GATAD2A: variants seen among roughly 807,000 people sequenced by gnomAD.
GATAD2A encodes GATA zinc finger domain containing 2A, also known as transcriptional repressor p66-alpha.
Under a neutral mutation model 68.5 loss-of-function variants are expected in GATAD2A, and 12 were observed. The ratio of observed to expected loss-of-function variants is 0.18; its 90% CI spans 0.11 to 0.28. The LOEUF (loss-of-function observed/expected upper bound fraction) is 0.28. Among genes scored for constraint, GATAD2A ranks in the 10% least tolerant of loss-of-function variants. The pLI is 1.00. For missense variants in GATAD2A, 755 were observed against 868.5 expected, an observed-to-expected ratio of 0.87 and a Z score of 1.64; for synonymous variants, 410 against 375.3, an observed-to-expected ratio of 1.09 and a Z score of -1.07.
At chr19:19,482,692 G>T (rs1237660186) in intron 2 of GATAD2A, among the ~76,000 whole-genome samples, 4 of 152,220 alleles carry the variant, frequency 2.6e-5, no homozygotes, top group South Asian at 2.1e-4. Flanking sequence ...GGTTGGCCTA[G>T]GAATGGCCAT....
At position 19,492,719 on chromosome 19, in the gene GATAD2A, G is replaced by T. The variant is rs193073050; in HGVS notation, c.534+7G>T. 2.5e-6 allele frequency: 4 copies of T among 1,613,990 alleles called. No homozygotes were observed. Among genetic ancestry groups the T allele is most frequent in the African/African-American group, 2.7e-5 (2 of 75,056 alleles). On this transcript the variant is annotated splice_region_variant and intron_variant, in intron 4 of 11. Transcript: ENST00000683918. ...GGAAGCCACCGCCCAGAAGGTGCGT[G>T]CCTGTCTCCCCTCCTTCCTGGGCCA...
intron 1 of GATAD2A, chr19:19,458,714 A>C (rs1265991085): frequency 1.3e-5 from 2 of 152,188 alleles, no homozygotes; most frequent in South Asian, 2.1e-4. Context: ...TTGACTGTTT[A>C]GAATTTGAGA....
Position 19,488,940 on chromosome 19 carries a change from G to A in GATAD2A, c.270-3366G>A, listed in dbSNP as rs145496482. On this transcript the variant is annotated intron_variant, in intron 2 of 11. Transcript: ENST00000683918. ...ATGGCAGACGCTGTCCCTGGGCCAC[G>A]ATGCCATCCCTCTCAGCATGTTGGG... 5.3e-5 allele frequency among the ~76,000 whole-genome samples: 8 copies of A among 152,276 alleles called. No homozygotes were observed. The East Asian group carries it at 1.2e-3, about 22-fold the overall frequency.
intron 1 of GATAD2A, among the ~76,000 whole-genome samples, chr19:19,426,444 C>T (rs574991418): frequency 3.3e-5 from 5 of 152,282 alleles, no homozygotes; most frequent in African/African-American, 1.2e-4. Flanking sequence ...CAGACTTGTC[C>T]ATCTATGACA....
chr19:19,502,520 A>G lies in GATAD2A; in HGVS notation c.1768A>G (p.Ser590Gly). The G allele has an allele frequency of 5.6e-6, 9 of 1,609,652 alleles. No homozygotes were observed. Among genetic ancestry groups the G allele is most frequent in the Non-Finnish European group, 7.6e-6 (9 of 1,177,910 alleles). ...ATSNWKKTPL[S>G]TGGTLAFVSP... is the part of the protein sequence containing the mutation. Reference sequence around the variant, plus strand: ...CTCCAACTGGAAGAAGACGCCCCTCAGCACAGGTGGGTGACCTCCACAGGG... The same window carrying G: ...CTCCAACTGGAAGAAGACGCCCCTCGGCACAGGTGGGTGACCTCCACAGGG... The change falls in exon 11 of 12, where the codon AGC (serine) becomes GGC (glycine). Residue 590 changes from serine to glycine, a missense_variant. Physicochemically the swap from Ser to Gly is moderately conservative, Grantham distance 56. Transcript: ENST00000683918.
intron 7 of GATAD2A, among the ~76,000 whole-genome samples, chr19:19,496,712 C>G (rs1013100850): frequency 6.6e-6 from 1 of 152,258 alleles, no homozygotes; most frequent in Admixed American, 6.5e-5. Flanking sequence ...GTCCCTTCAC[C>G]TCTGTACAGA....
intron 1 of GATAD2A, among the ~76,000 whole-genome samples, chr19:19,452,488 C>T (rs2056493603): frequency 6.6e-6 from 1 of 152,114 alleles, no homozygotes. Context: ...CTGCATCAGC[C>T]TCTCAACCAG....
chr19:19,402,835 G>A (rs899067502), upstream of GATAD2A, among the ~76,000 whole-genome samples: 5 of 145,342 alleles, frequency 3.4e-5, no homozygotes, highest in African/African-American at 5.1e-5. Flanking sequence ...GCGTAATAGC[G>A]CGATCTTGGC....
intron 7 of GATAD2A, among the ~76,000 whole-genome samples, chr19:19,497,180 C>T (rs758586956): frequency 1.3e-5 from 2 of 152,238 alleles, no homozygotes; most frequent in Admixed American, 6.5e-5. Flanking sequence ...TGGCTCACTG[C>T]AACCTCCATC....
chr19:19,430,615 C>T (rs1207261372), intron 1 of GATAD2A, among the ~76,000 whole-genome samples: 3 of 152,158 alleles, frequency 2.0e-5, no homozygotes, highest in South Asian at 2.1e-4. Context: ...GTCAGTGGGT[C>T]TGGGCCCAGG....
chr19:19,498,531 C>A lies in GATAD2A; in HGVS notation c.1013C>A (p.Ala338Asp), dbSNP rs62000441. 18 of 1,613,784 alleles carry A rather than the reference C, an allele frequency of 1.1e-5. No homozygotes were observed. The highest frequency in any genetic ancestry group is 1.5e-5 in the Non-Finnish European group (18 of 1,179,994). Reference sequence around the variant, plus strand: ...AGTGTGGCCTCTGTGGTCACCTCTGCCGAGTCTCCAGCAAGCCGACAGGCG... The same window carrying A: ...AGTGTGGCCTCTGTGGTCACCTCTGACGAGTCTCCAGCAAGCCGACAGGCG... Reference protein sequence around the residue: ...PTSVASVVTSAESPASRQAAA... With the variant: ...PTSVASVVTSDESPASRQAAA... Residue 338 changes from alanine (A) to aspartate (D), a missense_variant, in exon 8 of 12, where the codon GCC becomes GAC. Coordinates refer to ENST00000683918, the MANE Select transcript of GATAD2A (RefSeq NM_001384528.1).
chr19:19,408,996 C>A, intron 1 of GATAD2A, among the ~76,000 whole-genome samples: 1 of 147,784 alleles, frequency 6.8e-6, no homozygotes, highest in East Asian at 2.0e-4. Flanking sequence ...AGTTGTAAAG[C>A]CATTCTTGAA....
chr19:19,389,297 G>A (rs989103069), intron 1 of GATAD2A, among the ~76,000 whole-genome samples: 1 of 152,196 alleles, frequency 6.6e-6, no homozygotes, highest in African/African-American at 2.4e-5. Flanking sequence ...GACTGAAGTA[G>A]AGTTCTGAAG....
chr19:19,401,613 C>A (rs1227222964), upstream of GATAD2A, among the ~76,000 whole-genome samples: 5 of 151,924 alleles, frequency 3.3e-5, no homozygotes, highest in Non-Finnish European at 7.4e-5. Context: ...TGCCTGTAGG[C>A]TTCTTGGGCT....
At chr19:19,470,154 T>TA (rs779324167) in intron 2 of GATAD2A, among the ~76,000 whole-genome samples, 1,395 of 133,282 alleles carry the variant, frequency 0.01, 45 homozygotes, top group South Asian at 0.068. Flanking sequence ...TTTTTTTTTT[T>TA]GTTTTTTTTT....
At chr19:19,493,229 G>C (rs2059922256) in intron 4 of GATAD2A, among the ~76,000 whole-genome samples, 1 of 152,246 alleles carries the variant, frequency 6.6e-6, no homozygotes, top group Admixed American at 6.5e-5. Flanking sequence ...GTGAGCCACT[G>C]TGCCCGCCCT....
At chr19:19,437,018 T>C (rs1415188585) in intron 1 of GATAD2A, among the ~76,000 whole-genome samples, 1 of 152,126 alleles carries the variant, frequency 6.6e-6, no homozygotes, top group Admixed American at 6.6e-5. Flanking sequence ...TTTTGTGAGG[T>C]TTCAGCTCTT....
chr19:19,506,896 C>CT lies in GATAD2A; in HGVS notation c.*1425dup, dbSNP rs1349655566. 6.6e-6 allele frequency: 1 copy of CT among 152,002 alleles called. No individual in the cohort carries two copies. Among genetic ancestry groups the CT allele is most frequent in the Non-Finnish European group, 1.5e-5 (1 of 67,996 alleles). The allele number at this position is 152,002 out of a possible 1,614,324, so 9.4% of individuals were successfully genotyped here. A position where few individuals can be genotyped will look rare whatever the true frequency, so the allele number is the denominator to read the frequency against. ...GTTTTCCTACCCATGCAGTTAGGGA[C>CT]TTTAATTTAATTTTTTTTTTGTAGG... is the stretch of plus-strand genomic sequence containing the variant. On this transcript the variant is annotated 3_prime_UTR_variant, in exon 12 of 12. Transcript: ENST00000683918.
At chr19:19,409,014 C>CTTTTT (rs5827448) in intron 1 of GATAD2A, among the ~76,000 whole-genome samples, 18 of 116,504 alleles carry the variant, frequency 1.5e-4, no homozygotes, top group Non-Finnish European at 1.4e-4. Flanking sequence ...GAAATGTTGG[C>CTTTTT]TTTTTTTTTT....
Sources: allele counts gnomAD v4.1 joint callset (sites outside exome capture counted in the v4.1 genomes callset), GRCh38; gene constraint gnomAD v4.1.1; transcripts MANE v1.5; gene names NCBI Gene and HGNC (gene_info 2026-07-23, HGNC 2026-07-21).